Variants in TMTC4 observed in about 807,000 individuals in gnomAD.
The protein encoded by TMTC4 is protein O-mannosyl-transferase TMTC4.
In TMTC4, 65 loss-of-function variants were observed where a neutral mutation model predicts 86.0. The ratio of observed to expected loss-of-function variants is 0.76; its 90% confidence interval spans 0.62 to 0.93. TMTC4 has a LOEUF of 0.93. TMTC4 is among the 40% of genes least tolerant of loss of function. The probability of loss-of-function intolerance (pLI) is 0.00; values close to 1 mark genes in which losing one functional copy is unlikely to be tolerated. For missense variants in TMTC4, 866 were observed against 948.1 expected (o/e 0.91, Z 1.14); for synonymous variants, 379 against 382.5 (o/e 0.99, Z 0.11).
Position 100,604,356 on chromosome 13 carries a change from C to A in TMTC4, c.*638G>T, listed in dbSNP as rs761742126. Reference sequence around the variant, plus strand: ...TCCTGTGTATTGAAATTGCACAAGTCAGAGCATCCAAAAACTGCAAGAGTC... The same window carrying A: ...TCCTGTGTATTGAAATTGCACAAGTAAGAGCATCCAAAAACTGCAAGAGTC... On this transcript the variant is annotated 3_prime_UTR_variant, in exon 19 of 19. Transcript: ENST00000342624. 6.6e-6 allele frequency: 1 copy of A among 152,526 alleles called. No homozygotes were observed. Among genetic ancestry groups the A allele is most frequent in the Non-Finnish European group, 1.5e-5 (1 of 68,036 alleles). The allele number at this position is 152,526 out of a possible 1,614,324, so 9.4% of individuals were successfully genotyped here.
chr13:100,665,210 A>G (rs866499149), intron 3 of TMTC4, among the ~76,000 whole-genome samples: 6 of 152,356 alleles, frequency 3.9e-5, no homozygotes, highest in Middle Eastern at 3.4e-3. Flanking sequence ...ATGAAAGTAG[A>G]TGGCTTAAAT....
At position 100,668,704 on chromosome 13, in the gene TMTC4, G is replaced by A. The variant is rs1220688522; in HGVS notation, c.94C>T (p.Pro32Ser). The change falls in exon 3 of 19, where the codon CCA (proline) becomes TCA (serine). Residue 32 changes from proline (P) to serine (S), a missense_variant. Physicochemically the swap from Pro to Ser is moderately conservative, Grantham distance 74. Transcript: ENST00000342624. The part of the protein sequence containing the change: ...VLDTDLDHIL[P>S]SSVLPPFWAK... ...CAGAATGGAGGAAGAACAGAAGATG[G>A]AAGAATGTGATCCAAATCAGTGTCC... The A allele has an allele frequency of 6.2e-7, 1 of 1,614,256 alleles. No homozygotes were observed. The highest frequency in any genetic ancestry group is 8.5e-7 in the Non-Finnish European group (1 of 1,180,050).
chr13:100,667,302 G>A (rs1453852913), intron 3 of TMTC4, among the ~76,000 whole-genome samples: 5 of 152,220 alleles, frequency 3.3e-5, no homozygotes, highest in Admixed American at 2.0e-4. Flanking sequence ...GGCATGTGAT[G>A]CCTGTAGTCC....
rs760776861 is a variant in TMTC4, at chr13:100,612,443, G to A, written c.2019C>T (p.Leu673=). The A allele has an allele frequency of 1.9e-6, 3 of 1,611,498 alleles. No homozygotes were observed. In the Admixed American group the frequency reaches 5.0e-5, roughly 27 times the overall value. ...CCAGCACGTTTGCCAACGAGAACAT[G>A]AGAGAGTGATCATTAGGTATTAATT... is the stretch of plus-strand genomic sequence containing the variant. ...ALELIPNDHS[L]MFSLANVLGK... is the part of the protein sequence containing the mutation. Residue 673 remains leucine, a synonymous_variant, in exon 17 of 19, where the codon CTC becomes CTT. Transcript: ENST00000342624.
At chr13:100,615,160 T>TA (rs1484533352) in intron 15 of TMTC4, among the ~76,000 whole-genome samples, 1 of 152,122 alleles carries the variant, frequency 6.6e-6, no homozygotes, top group East Asian at 1.9e-4. Context: ...ATTTTTGAGA[T>TA]AGAGTCTCAC....
At chr13:100,672,502 CTT>C (rs984049907) in intron 1 of TMTC4, among the ~76,000 whole-genome samples, 1 of 152,080 alleles carries the variant, frequency 6.6e-6, no homozygotes, top group Non-Finnish European at 1.5e-5. Flanking sequence ...CCCTTCCCCC[CTT>C]TTTTTGAACA....
chr13:100,631,685 T>A (rs1322213254), intron 12 of TMTC4, among the ~76,000 whole-genome samples: 1 of 152,182 alleles, frequency 6.6e-6, no homozygotes, highest in East Asian at 1.9e-4. Flanking sequence ...CATCTGGCCC[T>A]AAATTAGAGC....
intron 6 of TMTC4, among the ~76,000 whole-genome samples, chr13:100,654,168 C>G (rs1884792551): frequency 6.6e-6 from 1 of 152,198 alleles, no homozygotes; most frequent in African/African-American, 2.4e-5. Flanking sequence ...GTAACTTCAA[C>G]CAAGTCAAAA....
At chr13:100,622,502 T>A (rs1879674550) in intron 15 of TMTC4, among the ~76,000 whole-genome samples, 1 of 152,184 alleles carries the variant, frequency 6.6e-6, no homozygotes, top group African/African-American at 2.4e-5. Flanking sequence ...GTTTCCCCCA[T>A]ACTGTTCTCG....
chr13:100,633,332 A>AGCT (rs1881719206), intron 12 of TMTC4, among the ~76,000 whole-genome samples: 1 of 150,018 alleles, frequency 6.7e-6, no homozygotes, highest in Non-Finnish European at 1.5e-5. Context: ...AAAAAAAAAA[A>AGCT]AAAAAAAAAA....
Position 100,604,434 on chromosome 13 carries a change from T to C in TMTC4, c.*560A>G, listed in dbSNP as rs1876273203. On this transcript the variant is annotated 3_prime_UTR_variant, in exon 19 of 19. Coordinates refer to ENST00000342624, the MANE Select transcript of TMTC4 (RefSeq NM_032813.5). ...AGATATACTATGTTAAAACTTCCAT[T>C]CCTCATTCGATTATTTGCCCTATTC... is the stretch of plus-strand genomic sequence containing the variant. 1 of 152,266 alleles carries C rather than the reference T, an allele frequency of 6.6e-6. No individual in the cohort carries two copies. Among genetic ancestry groups the C allele is most frequent in the South Asian group, 2.1e-4 (1 of 4,832 alleles). 9.4% of individuals were successfully genotyped at this position (152,266 alleles called of 1,614,324 possible). A position where few individuals can be genotyped will look rare whatever the true frequency, so the allele number is the denominator to read the frequency against.
chr13:100,648,329 GA>G (rs71200710), intron 6 of TMTC4, among the ~76,000 whole-genome samples: 23 of 148,006 alleles, frequency 1.6e-4, no homozygotes, highest in East Asian at 7.9e-4. Context: ...AGCTTAGTAT[GA>G]AAAAAAAAAT....
intron 15 of TMTC4, among the ~76,000 whole-genome samples, chr13:100,623,565 G>A (rs977038827): frequency 6.6e-6 from 1 of 150,832 alleles, no homozygotes; most frequent in Non-Finnish European, 1.5e-5. Flanking sequence ...ATTCTCTATA[G>A]AGCCCTTGAT....
At chr13:100,656,542 C>CTTTTTTTGTTTTTTTTTTTTTTT (rs1885137131) in intron 5 of TMTC4, 74 bp from the exon 6 acceptor site, 1 of 350,206 alleles carries the variant, frequency 2.9e-6, no homozygotes, top group Non-Finnish European at 4.6e-6. Context: ...GGAGACATAA[C>CTTTTTTTGTTTTTTTTTTTTTTT]TTTTTTTTTT....
At chr13:100,646,937 A>T (rs1388152708) in intron 6 of TMTC4, among the ~76,000 whole-genome samples, 5 of 152,216 alleles carry the variant, frequency 3.3e-5, no homozygotes, top group Non-Finnish European at 7.3e-5. Flanking sequence ...GCTCTAAAAA[A>T]AATTATGGCC....
intron 12 of TMTC4, among the ~76,000 whole-genome samples, 200 bp from the exon 13 acceptor site, chr13:100,626,350 G>C (rs1014660312): frequency 2.0e-5 from 3 of 152,168 alleles, no homozygotes; most frequent in South Asian, 2.1e-4. Context: ...CAGAAGAAAG[G>C]GGGTATAGGC....
intron 5 of TMTC4, among the ~76,000 whole-genome samples, chr13:100,658,668 G>A (rs577055015): frequency 2.0e-5 from 3 of 152,300 alleles, no homozygotes; most frequent in South Asian, 2.1e-4. Flanking sequence ...GGTGGCTAGT[G>A]TAGATTTGAA....
intron 5 of TMTC4, among the ~76,000 whole-genome samples, chr13:100,657,553 T>C (rs1770358): frequency 0.71 from 108,408 of 152,108 alleles, 39,658 homozygotes; most frequent in East Asian, 0.98. Context: ...GACACAGAAT[T>C]CCCCCCAGGG....
At position 100,636,690 on chromosome 13, in the gene TMTC4, C is replaced by A. The variant is rs142951557; in HGVS notation, c.1044G>T (p.Leu348=). 2.5e-6 allele frequency: 4 copies of A among 1,614,094 alleles called. No individual in the cohort carries two copies. In the African/African-American group the frequency reaches 5.3e-5, roughly 22 times the overall value. Residue 348 remains leucine, a synonymous_variant, in exon 10 of 19, where the codon CTG becomes CTT. Coordinates refer to ENST00000342624, the MANE Select transcript of TMTC4 (RefSeq NM_032813.5). ...NYYYSLNAWL[L]LCPWWLCFDW... is the part of the protein sequence containing the mutation. Reference sequence around the variant, plus strand: ...CAAAACACAGCCACCAGGGACACAGCAGCAGCCAGGCATTCAATGAATAGT... The same window carrying A: ...CAAAACACAGCCACCAGGGACACAGAAGCAGCCAGGCATTCAATGAATAGT...
Sources: gnomAD v4.1 joint callset for allele counts (sites outside exome capture counted in the v4.1 genomes callset) on GRCh38, gnomAD v4.1.1 for gene constraint, MANE v1.5 for transcripts, NCBI Gene and HGNC (gene_info 2026-07-23, HGNC 2026-07-21) for gene names.